PALD1: variants seen among roughly 807,000 people sequenced by gnomAD.
The protein encoded by PALD1 is paladin.
Under a neutral mutation model 96.0 loss-of-function variants are expected in PALD1, and 57 were observed. The observed-to-expected ratio is 0.59, with a 90% CI of 0.48 to 0.74. The LOEUF is 0.74. Ranked by LOEUF, PALD1 falls within the 30% of genes least tolerant of loss-of-function variation. The pLI is 0.00. For missense variants in PALD1, 1,063 were observed against 1,143.7 expected, an observed-to-expected ratio of 0.93 and a Z score of 1.02; for synonymous variants, 464 against 473.6, an observed-to-expected ratio of 0.98 and a Z score of 0.26.
chr10:70,533,003 G>A lies in PALD1; in HGVS notation c.803G>A (p.Arg268His), dbSNP rs1480713916. The change falls in exon 7 of 20, where the codon CGC becomes CAC. Residue 268 changes from arginine to histidine, a missense_variant. Arg to His is a conservative substitution (Grantham distance 29). Transcript: ENST00000263563. ...LFLQPTYRYH[R>H]LPLPEQGSPL... ...TCTCCCTCACCTGGCAGGTACCACCGCCTGCCCCTGCCCGAGCAAGGGAGT... is the reference window on the plus strand; with the variant it reads ...TCTCCCTCACCTGGCAGGTACCACCACCTGCCCCTGCCCGAGCAAGGGAGT... 1.3e-6 allele frequency: 2 copies of A among 1,578,234 alleles called. No individual in the cohort carries two copies. The highest frequency in any genetic ancestry group is 1.7e-6 in the Non-Finnish European group (2 of 1,161,888).
intron 1 of PALD1, among the ~76,000 whole-genome samples, chr10:70,501,433 C>CA (rs1179839328): frequency 5.3e-5 from 8 of 152,202 alleles, no homozygotes; most frequent in Non-Finnish European, 1.0e-4. Context: ...GAGCGAGGCT[C>CA]AGAGAGGCCA....
intron 11 of PALD1, 56 bp from the exon 12 acceptor site, chr10:70,538,224 G>C: frequency 6.3e-7 from 1 of 1,583,276 alleles, no homozygotes; most frequent in Non-Finnish European, 8.6e-7. Context: ...TGGGCAGGGA[G>C]GGTTCAGGAT....
chr10:70,541,158 T>C lies in PALD1; in HGVS notation c.1965T>C (p.Thr655=), dbSNP rs780252932. ...LRAALSKDPG[T]GFVFSCLSGQ... The stretch of plus-strand genomic sequence containing the variant: ...CCGCCCTCTCCAAGGACCCAGGCAC[T>C]GGCTTCGTGTTCAGCTGCCTCAGCG... The change falls in exon 16 of 20, where the codon ACT becomes ACC. Residue 655 remains threonine (T), a synonymous_variant. Transcript: ENST00000263563. 1 of 1,613,684 alleles carries C rather than the reference T, an allele frequency of 6.2e-7. No homozygotes were observed. The highest frequency in any genetic ancestry group is 8.5e-7 in the Non-Finnish European group (1 of 1,179,790).
rs1847214369 is a variant in PALD1, at chr10:70,540,223, TGTCCGTG to T, written c.1908+464_1908+470del. On this transcript the variant is annotated intron_variant, in intron 15 of 19. Coordinates refer to ENST00000263563, the MANE Select transcript of PALD1 (RefSeq NM_014431.3). The surrounding 1 kb of genome is among the most constrained non-coding windows in gnomAD (Gnocchi z 4.2). ...GTGTTGAGGGTGAACATGTCCAGGG[TGTCCGTG>T]GTGTGTGTGTCTCAGTTGGGGGACT... 2.6e-5 allele frequency among the ~76,000 whole-genome samples: 4 copies of T among 151,432 alleles called. No individual in the cohort carries two copies. Among genetic ancestry groups the T allele is most frequent in the Non-Finnish European group, 4.4e-5 (3 of 67,822 alleles).
At chr10:70,552,031 G>A (rs140894257) in intron 18 of PALD1, among the ~76,000 whole-genome samples, 18 of 152,282 alleles carry the variant, frequency 1.2e-4, no homozygotes, top group Middle Eastern at 3.4e-3. Flanking sequence ...GACGTCTCTC[G>A]CCACTCACCT....
chr10:70,513,579 C>T (rs1043346914), intron 1 of PALD1, among the ~76,000 whole-genome samples: 10 of 152,116 alleles, frequency 6.6e-5, no homozygotes, highest in Non-Finnish European at 1.5e-4. Context: ...AGATTTGTTC[C>T]ATTTACTTCT....
At chr10:70,528,003 T>A (rs547109989) in intron 2 of PALD1, among the ~76,000 whole-genome samples, 4 of 152,146 alleles carry the variant, frequency 2.6e-5, no homozygotes, top group African/African-American at 7.2e-5. Flanking sequence ...ATTGTTCAGT[T>A]CCCACCTATG....
Position 70,479,890 on chromosome 10 carries a change from T to C in PALD1, c.-30+831T>C, listed in dbSNP as rs370803543. Reference sequence around the variant, plus strand: ...ATGGAGGAGGATTTGGAGGATTCTGTCCTCAGGAGGCTCAGCCCCTGGGGG... The same window carrying C: ...ATGGAGGAGGATTTGGAGGATTCTGCCCTCAGGAGGCTCAGCCCCTGGGGG... On this transcript the variant is annotated intron_variant, in intron 1 of 19. Coordinates refer to ENST00000263563, the MANE Select transcript of PALD1 (RefSeq NM_014431.3). Among the ~76,000 whole-genome samples, 74 of 151,848 alleles carry C rather than the reference T, an allele frequency of 4.9e-4. 2 individuals carry two copies. The South Asian group carries it at 0.015, about 31-fold the overall frequency.
chr10:70,504,690 T>C (rs1846353466), intron 1 of PALD1, among the ~76,000 whole-genome samples: 1 of 152,208 alleles, frequency 6.6e-6, no homozygotes, highest in Non-Finnish European at 1.5e-5. Flanking sequence ...CAAGCCTCTT[T>C]CGTGTCTGGC....
Position 70,539,384 on chromosome 10 carries a change from G to A in PALD1, c.1725+137G>A. ...CCGGGAGGAGCAGTGTCAGGGAGTG[G>A]CCAACTCAGGATTCCCACTAAAGTG... On this transcript the variant is annotated intron_variant, in intron 14 of 19. Transcript: ENST00000263563. The surrounding 1 kb of genome is among the most constrained non-coding windows in gnomAD (Gnocchi z 4.5). 1 of 1,069,122 alleles carries A rather than the reference G, an allele frequency of 9.4e-7. No homozygotes were observed. 66.2% of individuals were successfully genotyped at this position (1,069,122 alleles called of 1,614,324 possible).
chr10:70,472,173 C>T, the PALD1 span, among the ~76,000 whole-genome samples: 1 of 152,214 alleles, frequency 6.6e-6, no homozygotes, highest in Non-Finnish European at 1.5e-5. Context: ...CCTGCAGCAT[C>T]TTCATAAAGG....
the PALD1 span, among the ~76,000 whole-genome samples, chr10:70,470,950 C>A: frequency 6.6e-6 from 1 of 151,806 alleles, no homozygotes; most frequent in African/African-American, 2.4e-5. Context: ...TACAGGCATG[C>A]GCCACCACAC....
chr10:70,499,731 CAGGTGCAGGT>C, intron 1 of PALD1, among the ~76,000 whole-genome samples: 1 of 152,332 alleles, frequency 6.6e-6, no homozygotes, highest in African/African-American at 2.4e-5. Flanking sequence ...CCACAGCTGG[CAGGTGCAGGT>C]TCATTCTTGT....
At chr10:70,559,822 C>T (rs894783299) in intron 18 of PALD1, among the ~76,000 whole-genome samples, 13 of 152,172 alleles carry the variant, frequency 8.5e-5, no homozygotes, top group African/African-American at 2.9e-4. Flanking sequence ...CTTATCCATG[C>T]GGAGCACTTG....
chr10:70,516,205 A>G (rs1846616220), intron 1 of PALD1, among the ~76,000 whole-genome samples: 1 of 152,098 alleles, frequency 6.6e-6, no homozygotes, highest in African/African-American at 2.4e-5. Flanking sequence ...ATCTCAGCTC[A>G]TTGCAACCTC....
intron 1 of PALD1, among the ~76,000 whole-genome samples, chr10:70,498,797 G>A (rs575513573): frequency 1.6e-4 from 24 of 152,070 alleles, no homozygotes; most frequent in African/African-American, 3.4e-4. Context: ...ACGTGGTAGC[G>A]CGTGCCTGTA....
chr10:70,526,161 A>G (rs1326646487), intron 2 of PALD1, 25 bp downstream of exon 2: 1 of 1,602,974 alleles, frequency 6.2e-7, no homozygotes, highest in Admixed American at 1.7e-5. Context: ...GAGTGTGCCC[A>G]TGTCCCTGGG....
At chr10:70,549,689 A>G (rs576216305) in intron 18 of PALD1, among the ~76,000 whole-genome samples, 5 of 152,332 alleles carry the variant, frequency 3.3e-5, no homozygotes, top group African/African-American at 9.6e-5. Flanking sequence ...ATGACACAGA[A>G]GTTATTGGAG....
chr10:70,531,341 G>C lies in PALD1; in HGVS notation c.520G>C (p.Asp174His). The C allele has an allele frequency of 6.2e-7, 1 of 1,614,062 alleles. No individual in the cohort carries two copies. The highest frequency in any genetic ancestry group is 8.5e-7 in the Non-Finnish European group (1 of 1,179,938). The change falls in exon 5 of 20, where the codon GAT (aspartate) becomes CAT (histidine). Residue 174 changes from aspartate (D) to histidine (H), a missense_variant. Coordinates refer to ENST00000263563, the MANE Select transcript of PALD1 (RefSeq NM_014431.3). ...REEPVLFLRA[D>H]EDFVSYTPRD... ...GGAACCTGTGCTTTTCCTGCGTGCA[G>C]ATGAGGACTTTGTGTCCTACACACC...
Sources: allele counts gnomAD v4.1 joint callset (sites outside exome capture counted in the v4.1 genomes callset), GRCh38; gene constraint gnomAD v4.1.1; non-coding constraint Gnocchi (gnomAD v3.1); transcripts MANE v1.5; gene names NCBI Gene and HGNC (gene_info 2026-07-23, HGNC 2026-07-21).